GRAMD1B: variants seen among roughly 807,000 people sequenced by gnomAD.
GRAMD1B encodes the protein protein Aster-B.
A neutral mutation model predicts 99.7 loss-of-function variants in GRAMD1B; 37 were observed. The ratio of observed to expected loss-of-function variants is 0.37; its 90% CI spans 0.29 to 0.49. GRAMD1B has a LOEUF of 0.49. GRAMD1B is among the 20% of genes least tolerant of loss of function. The probability of loss-of-function intolerance (pLI) is 0.98; values close to 1 mark genes in which losing one functional copy is unlikely to be tolerated. For missense variants in GRAMD1B, 888 were observed against 1,009.2 expected (o/e 0.88, Z 1.63); for synonymous variants, 427 against 387.6 (o/e 1.10, Z -1.19).
chr11:123,403,181 T>C (rs1223980370), intron 1 of GRAMD1B, among the ~76,000 whole-genome samples: 1 of 152,004 alleles, frequency 6.6e-6, no homozygotes, highest in African/African-American at 2.4e-5. Context: ...TCCCAGCACT[T>C]TGGGAGGCCG....
intron 1 of GRAMD1B, among the ~76,000 whole-genome samples, chr11:123,434,230 CAAAAAAAAAAAAAA>C (rs33942028): frequency 8.2e-5 from 6 of 73,008 alleles, no homozygotes; most frequent in Non-Finnish European, 1.2e-4. Context: ...ACTCCGTTTC[CAAAAAAAAAAAAAA>C]AAAAAAAAAA....
At chr11:123,465,763 C>A (rs1950627918) in intron 1 of GRAMD1B, among the ~76,000 whole-genome samples, 1 of 141,308 alleles carries the variant, frequency 7.1e-6, no homozygotes, top group Admixed American at 7.5e-5. Context: ...GAGTGAAACT[C>A]CATCTCGAAA....
chr11:123,401,791 C>T (rs1947671568), intron 1 of GRAMD1B, among the ~76,000 whole-genome samples: 1 of 152,096 alleles, frequency 6.6e-6, no homozygotes, highest in African/African-American at 2.4e-5. Context: ...TGCCGGCAGT[C>T]CCAGCTACTC....
intron 1 of GRAMD1B, among the ~76,000 whole-genome samples, chr11:123,471,334 C>T (rs1166953086): frequency 6.6e-6 from 1 of 152,134 alleles, no homozygotes; most frequent in East Asian, 1.9e-4. Context: ...AGAGCAGAGA[C>T]CTCATCTGTG....
At chr11:123,589,770 A>G (rs1357979427) in intron 4 of GRAMD1B, among the ~76,000 whole-genome samples, 1 of 151,974 alleles carries the variant, frequency 6.6e-6, no homozygotes, top group African/African-American at 2.4e-5. Context: ...CCTGGAATCT[A>G]CGTTTTTACA....
intron 1 of GRAMD1B, among the ~76,000 whole-genome samples, chr11:123,368,258 C>CA (rs1024340450): frequency 0.023 from 2,034 of 88,284 alleles, 26 homozygotes; most frequent in South Asian, 0.038. Context: ...CATCTTAAAA[C>CA]AAAAAAAAAA....
chr11:123,469,949 T>A (rs1950926602), intron 1 of GRAMD1B, among the ~76,000 whole-genome samples: 1 of 152,190 alleles, frequency 6.6e-6, no homozygotes, highest in African/African-American at 2.4e-5. Context: ...TGACTTTATA[T>A]TGAAATGTTA....
chr11:123,550,834 G>A (rs1349097768), intron 2 of GRAMD1B, among the ~76,000 whole-genome samples: 1 of 152,156 alleles, frequency 6.6e-6, no homozygotes, highest in Non-Finnish European at 1.5e-5. Flanking sequence ...TGTCCTAGGG[G>A]CCGGGACTCT....
intron 9 of GRAMD1B, 61 bp downstream of exon 9, chr11:123,603,602 T>A (rs1952282870): frequency 1.6e-5 from 15 of 935,532 alleles, no homozygotes; most frequent in Non-Finnish European, 2.6e-5. Context: ...AGGAAGAACC[T>A]GCCAGGCAGA....
intron 2 of GRAMD1B, among the ~76,000 whole-genome samples, chr11:123,525,451 G>A (rs561378179): frequency 1.6e-4 from 25 of 152,246 alleles, no homozygotes; most frequent in African/African-American, 4.8e-4. Context: ...TTTAACCCCT[G>A]AGTGGATGCT....
intron 4 of GRAMD1B, among the ~76,000 whole-genome samples, chr11:123,584,607 A>G (rs1742766882): frequency 6.6e-6 from 1 of 152,010 alleles, no homozygotes; most frequent in South Asian, 2.1e-4. Flanking sequence ...ACCCTAAAAG[A>G]GGAGACCAGT....
intron 1 of GRAMD1B, among the ~76,000 whole-genome samples, chr11:123,359,921 T>C (rs764798296): frequency 1.8e-4 from 27 of 152,150 alleles, no homozygotes; most frequent in Non-Finnish European, 3.4e-4. Flanking sequence ...ACAAATAGTA[T>C]TTTTAGTGTT....
chr11:123,490,353 A>G (rs1173069738), intron 2 of GRAMD1B, among the ~76,000 whole-genome samples: 1 of 152,222 alleles, frequency 6.6e-6, no homozygotes, highest in South Asian at 2.1e-4. Context: ...GATGACCAGG[A>G]TATAGCAATA....
chr11:123,570,445 A>G (rs1629456), intron 2 of GRAMD1B, among the ~76,000 whole-genome samples: 33,495 of 126,404 alleles, frequency 0.26, 4,600 homozygotes, highest in South Asian at 0.4. Flanking sequence ...TTTTTTTGAG[A>G]TGGAGTCTTG....
chr11:123,391,460 TG>T (rs1565468476), intron 1 of GRAMD1B, among the ~76,000 whole-genome samples: 1 of 152,176 alleles, frequency 6.6e-6, no homozygotes, highest in Non-Finnish European at 1.5e-5. Context: ...GTTTTTTGTT[TG>T]TTTGTTTGTT....
In GRAMD1B at chr11:123,610,067, A is replaced by G; in HGVS notation, c.1777-129A>G. Reference sequence around the variant, plus strand: ...CGTCTTGCTTGTTTAGTTGCTGCTGATTCCAGTGATCCTGGTTCTCCTGTT... The same window carrying G: ...CGTCTTGCTTGTTTAGTTGCTGCTGGTTCCAGTGATCCTGGTTCTCCTGTT... On this transcript the variant is annotated intron_variant, in intron 13 of 19. Transcript: ENST00000635736. This position sits in a 1 kb window ranked among gnomAD's most constrained non-coding sequence, Gnocchi z 4.1. The G allele has an allele frequency of 1.2e-6, 1 of 813,144 alleles. No individual in the cohort carries two copies. The highest frequency in any genetic ancestry group is 2.0e-6 in the Non-Finnish European group (1 of 510,010). The allele number at this position is 813,144 out of a possible 1,614,324, so 50.4% of individuals were successfully genotyped here.
intron 2 of GRAMD1B, chr11:123,526,252 C>T (rs531517558): frequency 3.3e-6 from 4 of 1,194,850 alleles, no homozygotes; most frequent in East Asian, 2.4e-5. Context: ...CAAGAGGTCT[C>T]CTTCATTGAT....
chr11:123,589,473 T>C (rs930060882), intron 4 of GRAMD1B, among the ~76,000 whole-genome samples: 4 of 151,760 alleles, frequency 2.6e-5, no homozygotes, highest in African/African-American at 9.7e-5. Flanking sequence ...TTTGAGAGTC[T>C]CTCTCTGCCG....
rs765489292 is a variant in GRAMD1B, at chr11:123,577,553, C to T, written c.639C>T (p.Gly213=). Residue 213 remains glycine (G), a synonymous_variant, in exon 3 of 20, where the codon GGC becomes GGT. Transcript: ENST00000635736. ...AGCGCAGCTGCTCCTCCCAGTCCGG[C>T]CGGAGCGGCGGCAAGAATTCCAAGG... ...GVQRSCSSQS[G]RSGGKNSKKS... is the part of the protein sequence containing the mutation. 1 of 1,591,018 alleles carries T rather than the reference C, an allele frequency of 6.3e-7. No individual in the cohort carries two copies. The highest frequency in any genetic ancestry group is 8.6e-7 in the Non-Finnish European group (1 of 1,169,124).
Sources: gnomAD v4.1 joint callset for allele counts (sites outside exome capture counted in the v4.1 genomes callset) on GRCh38, gnomAD v4.1.1 for gene constraint, Gnocchi (gnomAD v3.1) non-coding constraint, MANE v1.5 for transcripts, NCBI Gene and HGNC (gene_info 2026-07-23, HGNC 2026-07-21) for gene names.